Variants in DNAH6 observed in about 807,000 individuals in gnomAD.
DNAH6 encodes dynein axonemal heavy chain 6.
Under a neutral mutation model 491.4 loss-of-function variants are expected in DNAH6, and 340 were observed. The ratio of observed to expected loss-of-function variants is 0.69; its 90% CI spans 0.63 to 0.76. The LOEUF is 0.76. Among genes scored for constraint, DNAH6 ranks in the 30% least tolerant of loss-of-function variants. DNAH6 has a pLI of 0.00. For synonymous variants in DNAH6, 1,603 were observed against 1,686.1 expected (o/e 0.95, Z 1.21); for missense variants, 4,443 against 4,972.2 (o/e 0.89, Z 3.20).
intron 62 of DNAH6, among the ~76,000 whole-genome samples, chr2:84,742,426 T>A (rs1375747349): frequency 6.6e-6 from 1 of 152,208 alleles, no homozygotes; most frequent in Non-Finnish European, 1.5e-5. Context: ...AGATTTCCAT[T>A]TGACAATGTC....
At chr2:84,659,244 C>T in intron 37 of DNAH6, 75 bp downstream of exon 37, 1 of 877,232 alleles carries the variant, frequency 1.1e-6, no homozygotes, top group Non-Finnish European at 1.6e-6. Context: ...ACTTTAAAAG[C>T]TTTAGTTCTA....
At position 84,637,200 on chromosome 2, in the gene DNAH6, C is replaced by G. The variant is rs1471289915; in HGVS notation, c.4654-10C>G. ...GGAAGAGTGTTAACTTATATTTTAT[C>G]TTCGAACAGCTCTCTAGATTCATGT... On this transcript the variant is annotated splice_polypyrimidine_tract_variant and intron_variant, in intron 30 of 76. Transcript: ENST00000389394. The G allele has an allele frequency of 6.6e-7, 1 of 1,524,508 alleles. No individual in the cohort carries two copies. Among genetic ancestry groups the G allele is most frequent in the Non-Finnish European group, 8.8e-7 (1 of 1,132,572 alleles). 94.4% of individuals were successfully genotyped at this position (1,524,508 alleles called of 1,614,324 possible). A position where few individuals can be genotyped will look rare whatever the true frequency, so the allele number is the denominator to read the frequency against.
At chr2:84,497,792 T>G in the DNAH6 span, among the ~76,000 whole-genome samples, 147 of 152,260 alleles carry the variant, frequency 9.7e-4, no homozygotes, top group African/African-American at 3.3e-3. Flanking sequence ...AACATTAGGA[T>G]GAAAATAAGC....
Position 84,672,410 on chromosome 2 carries a change from A to G in DNAH6, c.6538A>G (p.Ile2180Val). ...RLDRYGSQPP[I>V]ELLRQYQDFG... ...GGATCGCTATGGCTCTCAGCCTCCG[A>G]TTGAATTACTTCGGCAGTATCAAGA... Residue 2180 changes from isoleucine (I) to valine (V), a missense_variant, in exon 40 of 77, where the codon ATT becomes GTT. Around this residue, in one of 3 missense-constraint regions of DNAH6, gnomAD observed 2,977 missense variants for 3,296.6 expected, o/e 0.90. Coordinates refer to ENST00000389394, the MANE Select transcript of DNAH6 (RefSeq NM_001370.2). The G allele has an allele frequency of 6.4e-7, 1 of 1,551,726 alleles. No individual in the cohort carries two copies.
chr2:84,722,880 C>T (rs1698296319), intron 60 of DNAH6, 76 bp downstream of exon 60: 5 of 897,762 alleles, frequency 5.6e-6, no homozygotes, highest in Non-Finnish European at 8.0e-6. Context: ...TCTTGCTTCA[C>T]ATAAGCCATA....
intron 9 of DNAH6, among the ~76,000 whole-genome samples, chr2:84,551,881 C>G (rs1460266420): frequency 6.6e-6 from 1 of 152,098 alleles, no homozygotes; most frequent in African/African-American, 2.4e-5. Flanking sequence ...AACGCCATCT[C>G]TACCAAAAAT....
At chr2:84,488,237 A>C in the DNAH6 span, among the ~76,000 whole-genome samples, 1 of 152,164 alleles carries the variant, frequency 6.6e-6, no homozygotes, top group Non-Finnish European at 1.5e-5. Flanking sequence ...GTTGTTTAAA[A>C]CAACACAAAT....
At chr2:84,491,230 A>G in the DNAH6 span, among the ~76,000 whole-genome samples, 2 of 152,178 alleles carry the variant, frequency 1.3e-5, no homozygotes, top group African/African-American at 4.8e-5. Flanking sequence ...TTGTATTTCC[A>G]CAAGCAACGT....
At chr2:84,525,217 C>T (rs1198499652) in intron 2 of DNAH6, among the ~76,000 whole-genome samples, 2 of 151,994 alleles carry the variant, frequency 1.3e-5, no homozygotes, top group African/African-American at 4.8e-5. Flanking sequence ...GAGAATTCTG[C>T]ACTTCTTCCC....
At position 84,781,589 on chromosome 2, in the gene DNAH6, T is replaced by C; in HGVS notation, c.10800T>C (p.Asn3600=). 6.4e-7 allele frequency: 1 copy of C among 1,551,856 alleles called. No homozygotes were observed. The highest frequency in any genetic ancestry group is 8.7e-7 in the Non-Finnish European group (1 of 1,146,958). ...MKSGNWVFLQ[N]CHLAVSWMLA... is the part of the protein sequence containing the mutation. ...CAGGAAACTGGGTATTTTTGCAAAA[T>C]TGCCATCTTGCTGTTTCTTGGATGT... Residue 3600 remains asparagine (N), a synonymous_variant, in exon 65 of 77, where the codon AAT becomes AAC. Coordinates refer to ENST00000389394, the MANE Select transcript of DNAH6 (RefSeq NM_001370.2).
intron 22 of DNAH6, among the ~76,000 whole-genome samples, chr2:84,614,691 C>T (rs975747802): frequency 1.3e-5 from 2 of 149,976 alleles, no homozygotes; most frequent in Non-Finnish European, 3.0e-5. Flanking sequence ...TCCACACCAA[C>T]ATCTATTATT....
At chr2:84,817,186 CAAA>C (rs761715083) in intron 76 of DNAH6, among the ~76,000 whole-genome samples, 2 of 139,856 alleles carry the variant, frequency 1.4e-5, no homozygotes. Context: ...TGTCAGAGAC[CAAA>C]AAAAAAAAAT....
At chr2:84,815,203 A>C (rs1680368907) in intron 75 of DNAH6, among the ~76,000 whole-genome samples, 1 of 152,238 alleles carries the variant, frequency 6.6e-6, no homozygotes. Flanking sequence ...AAGACCAGCT[A>C]AAAAGAATTT....
intron 63 of DNAH6, among the ~76,000 whole-genome samples, chr2:84,756,075 T>G (rs1673980141): frequency 6.6e-6 from 1 of 152,228 alleles, no homozygotes; most frequent in Non-Finnish European, 1.5e-5. Flanking sequence ...TAAACCTCTT[T>G]CTTTTGTAAA....
At chr2:84,644,241 G>A (rs1689687027) in intron 33 of DNAH6, among the ~76,000 whole-genome samples, 1 of 152,128 alleles carries the variant, frequency 6.6e-6, no homozygotes. Context: ...TGGAGTTGAT[G>A]TTTCCCCTCC....
chr2:84,707,369 A>C (rs1553472840), intron 53 of DNAH6, 151 bp from the exon 54 acceptor site: 1 of 822,010 alleles, frequency 1.2e-6, no homozygotes, highest in Non-Finnish European at 1.8e-6. Flanking sequence ...AATGGGAATT[A>C]ATGCTGAATT....
At chr2:84,638,193 A>G (rs951137739) in intron 31 of DNAH6, among the ~76,000 whole-genome samples, 4 of 152,174 alleles carry the variant, frequency 2.6e-5, no homozygotes, top group African/African-American at 9.7e-5. Context: ...CTTTTTTACA[A>G]AAGAGAAACA....
In DNAH6 at chr2:84,619,913, C is replaced by A. The variant is rs190966794; in HGVS notation, c.3792+9C>A. The A allele has an allele frequency of 6.5e-4, 1,005 of 1,543,894 alleles. 3 individuals are homozygous for A. The African/African-American group carries it at 0.012, about 18-fold the overall frequency. On this transcript the variant is annotated intron_variant, in intron 24 of 76. Transcript: ENST00000389394. ...CACCAGAGGGAGAAAGGGTGAGGTG[C>A]TTTTATTTATATTTCTTTATTGATG...
At position 84,547,376 on chromosome 2, in the gene DNAH6, G is replaced by A. The variant is rs1558692612; in HGVS notation, c.1039G>A (p.Ala347Thr). Residue 347 changes from alanine to threonine, a missense_variant, in exon 6 of 77, where the codon GCC becomes ACC. Ala to Thr is a moderately conservative substitution (Grantham distance 58). This residue lies in a region of DNAH6 where 2,977 missense variants were observed against 3,296.6 expected (regional missense o/e 0.90). Coordinates refer to ENST00000389394, the MANE Select transcript of DNAH6 (RefSeq NM_001370.2). ...CACCTACACCCTGCAGGAATTTAAG[G>A]CCGCACAAGTCATACGGCTAGCAGA... ...CHTYTLQEFK[A>T]AQVIRLAEVT... The A allele has an allele frequency of 1.3e-6, 2 of 1,551,558 alleles. No homozygotes were observed. Among genetic ancestry groups the A allele is most frequent in the Non-Finnish European group, 1.7e-6 (2 of 1,146,930 alleles).
Sources: allele counts gnomAD v4.1 joint callset (sites outside exome capture counted in the v4.1 genomes callset), GRCh38; gene constraint gnomAD v4.1.1; regional missense constraint gnomAD v4.1.1; transcripts MANE v1.5; gene names NCBI Gene and HGNC (gene_info 2026-07-23, HGNC 2026-07-21).